The following TRIM2 variants were observed in gnomAD, a reference collection of about 807,000 sequenced individuals.
TRIM2 encodes tripartite motif-containing protein 2.
TRIM2 carries 20 observed loss-of-function variants against 75.2 expected under a neutral mutation model. The ratio of observed to expected loss-of-function variants is 0.27; its 90% confidence interval spans 0.19 to 0.39. The LOEUF is 0.39. Among genes scored for constraint, TRIM2 ranks in the 10% least tolerant of loss-of-function variants. The pLI is 1.00. For missense variants in TRIM2, 660 were observed against 990.8 expected, an observed-to-expected ratio of 0.67 and a Z score of 4.48; for synonymous variants, 373 against 388.3, an observed-to-expected ratio of 0.96 and a Z score of 0.46.
chr4:153,299,930 G>A (rs1024886141), intron 6 of TRIM2, among the ~76,000 whole-genome samples: 6 of 152,274 alleles, frequency 3.9e-5, no homozygotes, highest in Admixed American at 1.3e-4. Context: ...AGCTACCTGC[G>A]TCAGGAATAA....
chr4:153,257,570 A>T (rs1429585868), intron 1 of TRIM2: 1 of 1,289,808 alleles, frequency 7.8e-7, no homozygotes, highest in Admixed American at 2.3e-5. Flanking sequence ...CTTAGAGCAG[A>T]AGATATGCTG....
chr4:153,232,007 G>A (rs1743769742), intron 1 of TRIM2, among the ~76,000 whole-genome samples: 1 of 152,066 alleles, frequency 6.6e-6, no homozygotes, highest in African/African-American at 2.4e-5. Context: ...CAGTCTTTTG[G>A]ATTGCGGATG....
chr4:153,195,159 C>A (rs1262111426), intron 1 of TRIM2, among the ~76,000 whole-genome samples: 7 of 152,152 alleles, frequency 4.6e-5, no homozygotes, highest in Admixed American at 6.5e-5. Flanking sequence ...GACAGAGACA[C>A]CATAGAGGGA....
rs1000183968 is a variant in TRIM2, at chr4:153,327,995, T to G, written c.2023-535T>G. ...GCTACCACACATGTGCACACACACA[T>G]GCAATGAATTTCTCCCATTCTAAGT... On this transcript the variant is annotated intron_variant, in intron 10 of 11. Coordinates refer to ENST00000338700, the MANE Select transcript of TRIM2 (RefSeq NM_015271.5). Among the ~76,000 whole-genome samples the G allele has an allele frequency of 7.9e-5, 12 of 152,346 alleles. No individual in the cohort carries two copies. The East Asian group carries it at 2.1e-3, about 27-fold the overall frequency.
chr4:153,316,873 CTTTTT>C (rs11397245), intron 8 of TRIM2, among the ~76,000 whole-genome samples: 7 of 61,576 alleles, frequency 1.1e-4, no homozygotes, highest in Admixed American at 3.0e-4. Flanking sequence ...TGCATTATGC[CTTTTT>C]TTTTTTTTTT....
intron 1 of TRIM2, among the ~76,000 whole-genome samples, chr4:153,225,717 A>G (rs1741929549): frequency 1.3e-5 from 2 of 152,156 alleles, no homozygotes; most frequent in South Asian, 2.1e-4. Context: ...TTGAGCCACT[A>G]TTTACTAGAC....
chr4:153,196,272 C>G (rs369385411), intron 1 of TRIM2, among the ~76,000 whole-genome samples: 4 of 132,982 alleles, frequency 3.0e-5, no homozygotes, highest in East Asian at 2.0e-4. Context: ...CACCCCCCCC[C>G]ACACACACAC....
intron 1 of TRIM2, among the ~76,000 whole-genome samples, chr4:153,154,878 G>A (rs28585583): frequency 2.6e-5 from 4 of 152,142 alleles, no homozygotes; most frequent in African/African-American, 4.8e-5. Context: ...AGTGGCTCAC[G>A]CCTGTATTCC....
At chr4:153,172,876 C>T (rs745355244) in intron 1 of TRIM2, among the ~76,000 whole-genome samples, 1 of 152,102 alleles carries the variant, frequency 6.6e-6, no homozygotes, top group Non-Finnish European at 1.5e-5. Flanking sequence ...GCAAAGAGCT[C>T]AGTGAGTTAC....
At chr4:153,179,207 ATAT>A in intron 1 of TRIM2, among the ~76,000 whole-genome samples, 1 of 151,914 alleles carries the variant, frequency 6.6e-6, no homozygotes, top group South Asian at 2.1e-4. Context: ...AGCAATTTTG[ATAT>A]TAATACATTA....
chr4:153,295,347 G>C lies in TRIM2; in HGVS notation c.821G>C (p.Gly274Ala). The C allele has an allele frequency of 6.2e-7, 1 of 1,611,818 alleles. No homozygotes were observed. The highest frequency in any genetic ancestry group is 8.5e-7 in the Non-Finnish European group (1 of 1,178,856). ...LQSQLDTLLQ[G>A]QESIKSCSNF... Reference sequence around the variant, plus strand: ...TCGCAGCTGGATACTCTGCTCCAGGGGCAGGAGAGCATTAAGAGCTGCAGC... The same window carrying C: ...TCGCAGCTGGATACTCTGCTCCAGGCGCAGGAGAGCATTAAGAGCTGCAGC... Residue 274 changes from glycine to alanine, a missense_variant, in exon 6 of 12, where the codon GGG becomes GCG. By Grantham distance (60) the Gly-to-Ala change is moderately conservative (BLOSUM62 0). Coordinates refer to ENST00000338700, the MANE Select transcript of TRIM2 (RefSeq NM_015271.5). This position sits in a 1 kb window ranked among gnomAD's most constrained non-coding sequence, Gnocchi z 7.2.
intron 1 of TRIM2, among the ~76,000 whole-genome samples, chr4:153,197,458 G>A (rs548194489): frequency 1.6e-4 from 24 of 152,242 alleles, no homozygotes; most frequent in African/African-American, 5.5e-4. Context: ...CTATGGACTC[G>A]ATGTTTGTGT....
intron 5 of TRIM2, among the ~76,000 whole-genome samples, chr4:153,294,891 G>C (rs542102426): frequency 6.6e-5 from 10 of 152,212 alleles, no homozygotes; most frequent in Admixed American, 6.5e-5. Context: ...ACAGGGATGA[G>C]AAACCTCTGA....
chr4:153,317,622 C>T (rs1224235754), intron 8 of TRIM2, among the ~76,000 whole-genome samples: 1 of 149,956 alleles, frequency 6.7e-6, no homozygotes, highest in African/African-American at 2.5e-5. Context: ...TGCACTCCAG[C>T]CTGGGCGACA....
In TRIM2 at chr4:153,248,078, G is replaced by A. The variant is rs1455631223; in HGVS notation, c.31-22257G>A. 2.0e-5 allele frequency among the ~76,000 whole-genome samples: 3 copies of A among 149,312 alleles called. No homozygotes were observed. In the East Asian group the frequency reaches 6.0e-4, roughly 30 times the overall value. On this transcript the variant is annotated intron_variant, in intron 1 of 11. Coordinates refer to ENST00000338700, the MANE Select transcript of TRIM2 (RefSeq NM_015271.5). This position sits in a 1 kb window ranked among gnomAD's most constrained non-coding sequence, Gnocchi z 4.0. ...TGACACAGTCTCTGCTCACTGGCGCGTCCGCCTCTGGGATTCAAGCGATTC... is the reference window on the plus strand; with the variant it reads ...TGACACAGTCTCTGCTCACTGGCGCATCCGCCTCTGGGATTCAAGCGATTC...
upstream of TRIM2, among the ~76,000 whole-genome samples, chr4:153,202,572 G>T (rs1454639336): frequency 6.6e-6 from 1 of 151,908 alleles, no homozygotes; most frequent in African/African-American, 2.4e-5. Flanking sequence ...GGCGGCATGC[G>T]CCTGTAGTCC....
At chr4:153,239,048 C>T (rs1366967158) in intron 1 of TRIM2, among the ~76,000 whole-genome samples, 1 of 152,132 alleles carries the variant, frequency 6.6e-6, no homozygotes, top group African/African-American at 2.4e-5. Context: ...GCTCAGTCTC[C>T]TTAGTTAGAA....
At chr4:153,253,245 C>A (rs150409675) in intron 1 of TRIM2, among the ~76,000 whole-genome samples, 2 of 152,126 alleles carry the variant, frequency 1.3e-5, no homozygotes, top group Non-Finnish European at 2.9e-5. Flanking sequence ...GGTAAGTGAG[C>A]CTAGAGATTA....
In TRIM2 at chr4:153,337,875, C is replaced by T. The variant is rs549670667; in HGVS notation, c.*2909C>T. 4.8e-5 allele frequency: 47 copies of T among 985,616 alleles called. No homozygotes were observed. Among genetic ancestry groups the T allele is most frequent in the Non-Finnish European group, 5.3e-5 (44 of 829,930 alleles). 61.1% of individuals were successfully genotyped at this position (985,616 alleles called of 1,614,324 possible). ...CCGGTTGGGATTTCAAGGTCAGTGA[C>T]GACGCATTTCCTCCCAGTACAGACC... is the stretch of plus-strand genomic sequence containing the variant. On this transcript the variant is annotated 3_prime_UTR_variant, in exon 12 of 12. Transcript: ENST00000338700.
Sources: allele counts gnomAD v4.1 joint callset (sites outside exome capture counted in the v4.1 genomes callset), GRCh38; gene constraint gnomAD v4.1.1; non-coding constraint Gnocchi (gnomAD v3.1); transcripts MANE v1.5; gene names NCBI Gene and HGNC (gene_info 2026-07-23, HGNC 2026-07-21).